Variants in CEP44 observed in about 807,000 individuals in gnomAD.
CEP44 encodes centrosomal protein of 44 kDa.
Under a neutral mutation model 46.7 loss-of-function variants are expected in CEP44, and 45 were observed. That is an observed-to-expected ratio of 0.96 (90% confidence interval 0.76 to 1.24). CEP44 has a LOEUF of 1.24. Ranked by LOEUF, CEP44 falls within the 50% of genes most tolerant of loss-of-function variation. CEP44 has a pLI of 0.00. For missense variants in CEP44, 475 were observed against 459.7 expected (o/e 1.03, Z -0.30); for synonymous variants, 142 against 146.0 (o/e 0.97, Z 0.20).
chr4:174,327,799 C>T (rs1249589895), intron 8 of CEP44, among the ~76,000 whole-genome samples: 1 of 151,878 alleles, frequency 6.6e-6, no homozygotes, highest in African/African-American at 2.4e-5. Context: ...CAATCATTTT[C>T]AGGTAGATTA....
In CEP44 at chr4:174,301,974, T is replaced by C; in HGVS notation, c.90-65T>C. On this transcript the variant is annotated intron_variant, in intron 3 of 11. Coordinates refer to ENST00000503780, the MANE Select transcript of CEP44 (RefSeq NM_001040157.3). The surrounding 1 kb of genome is among the most constrained non-coding windows in gnomAD (Gnocchi z 4.3). ...AACATTTCTAATATTTTCTTGATTA[T>C]CCAACTTTGTGGAATTATGCTTATT... 1 of 1,385,752 alleles carries C rather than the reference T, an allele frequency of 7.2e-7. No individual in the cohort carries two copies. The highest frequency in any genetic ancestry group is 1.4e-5 in the South Asian group (1 of 72,794). The allele number at this position is 1,385,752 out of a possible 1,614,324, so 85.8% of individuals were successfully genotyped here.
chr4:174,316,287 A>G lies in CEP44; in HGVS notation c.1083A>G (p.Ser361=), dbSNP rs1442564595. Residue 361 remains serine (S), a synonymous_variant, in exon 10 of 12, where the codon TCA becomes TCG. Transcript: ENST00000503780. ...ATTACTGTGGTTTGAATGAGATTTC[A>G]GAGGTAAGAAAATGCTTAGATTATT... ...TVNYCGLNEI[S]EETTIQKMER... 6.2e-7 allele frequency: 1 copy of G among 1,609,160 alleles called. No homozygotes were observed. Among genetic ancestry groups the G allele is most frequent in the Non-Finnish European group, 8.5e-7 (1 of 1,176,046 alleles).
intron 2 of CEP44, 108 bp from the exon 3 acceptor site, chr4:174,298,964 G>C (rs1739394081): frequency 1.8e-6 from 1 of 569,000 alleles, no homozygotes; most frequent in Admixed American, 3.3e-5. Context: ...AAAAGAGCTA[G>C]GGTAAGATAA....
exon 9 of CEP44, chr4:174,332,205 T>C (rs1481043168): frequency 6.6e-6 from 1 of 152,476 alleles, no homozygotes; most frequent in Non-Finnish European, 1.5e-5. Flanking sequence ...GACCATCTTT[T>C]GTACCGTTGG....
At chr4:174,316,717 A>G in intron 11 of CEP44, 150 bp downstream of exon 11, 1 of 598,588 alleles carries the variant, frequency 1.7e-6, no homozygotes, top group African/African-American at 1.9e-5. Flanking sequence ...TGGATAATAA[A>G]TCCACCTACA....
downstream of CEP44, among the ~76,000 whole-genome samples, chr4:174,323,582 A>G (rs889666409): frequency 1.3e-5 from 2 of 152,098 alleles, no homozygotes; most frequent in Non-Finnish European, 2.9e-5. Context: ...TCCTCCTTGA[A>G]GTTGGGGCAT....
chr4:174,296,672 G>T (rs1739056976), intron 1 of CEP44, among the ~76,000 whole-genome samples: 1 of 151,476 alleles, frequency 6.6e-6, no homozygotes, highest in Non-Finnish European at 1.5e-5. Context: ...ATGTGAAATT[G>T]AGAAGAATAT....
rs1448011447 is a variant in CEP44 at position 174,309,875 on chromosome 4, C to T, written c.704C>T (p.Thr235Ile). The change falls in exon 8 of 12, where the codon ACT (threonine) becomes ATT (isoleucine). Residue 235 changes from threonine (T) to isoleucine (I), a missense_variant. Thr to Ile is a moderately conservative substitution (Grantham distance 89). Transcript: ENST00000503780. This position sits in a 1 kb window ranked among gnomAD's most constrained non-coding sequence, Gnocchi z 5.3. ...QQDVNVNPEITALQTMLAECQ... is the reference protein window; with the variant it reads ...QQDVNVNPEIIALQTMLAECQ... ...GATGTAAATGTTAATCCTGAGATTA[C>T]TGCACTACAAACTATGCTTGCTGAA... 2 of 1,608,838 alleles carry T rather than the reference C, an allele frequency of 1.2e-6. No homozygotes were observed. The highest frequency in any genetic ancestry group is 1.3e-5 in the African/African-American group (1 of 74,902).
In CEP44 at chr4:174,314,616, C is replaced by T. The variant is rs1004782333; in HGVS notation, c.962-1550C>T. ...TTCCTTCACCCTTTATCTGTCTTCC[C>T]GGACCTGTTTCCTTTTCCTAGGGCC... On this transcript the variant is annotated intron_variant, in intron 9 of 11. Coordinates refer to ENST00000503780, the MANE Select transcript of CEP44 (RefSeq NM_001040157.3). The surrounding 1 kb of genome is among the most constrained non-coding windows in gnomAD (Gnocchi z 4.1). 7.2e-5 allele frequency among the ~76,000 whole-genome samples: 11 copies of T among 152,082 alleles called. No individual in the cohort carries two copies. The highest frequency in any genetic ancestry group is 1.5e-4 in the Non-Finnish European group (10 of 68,020).
At chr4:174,321,031 T>G (rs1052107148), downstream of CEP44, among the ~76,000 whole-genome samples, 1 of 152,036 alleles carries the variant, frequency 6.6e-6, no homozygotes, top group Non-Finnish European at 1.5e-5. Flanking sequence ...GACTGAGAGA[T>G]AGCAAAAAGA....
chr4:174,319,321 A>G lies in CEP44; in HGVS notation c.*1938A>G. ...TATAAGGGAAAAAACTTCTGTATCGATTAACTCCTAAAATATCAGTACCAG... is the reference window on the plus strand; with the variant it reads ...TATAAGGGAAAAAACTTCTGTATCGGTTAACTCCTAAAATATCAGTACCAG... On this transcript the variant is annotated 3_prime_UTR_variant, in exon 12 of 12. Coordinates refer to ENST00000503780, the MANE Select transcript of CEP44 (RefSeq NM_001040157.3). 2 of 982,466 alleles carry G rather than the reference A, an allele frequency of 2.0e-6. No homozygotes were observed. Among genetic ancestry groups the G allele is most frequent in the Non-Finnish European group, 2.4e-6 (2 of 827,236 alleles). 60.9% of individuals were successfully genotyped at this position (982,466 alleles called of 1,614,324 possible).
chr4:174,301,255 T>C lies in CEP44; in HGVS notation c.90-784T>C, dbSNP rs1266557010. Among the ~76,000 whole-genome samples the C allele has an allele frequency of 6.6e-6, 1 of 152,148 alleles. No homozygotes were observed. The highest frequency in any genetic ancestry group is 2.4e-5 in the African/African-American group (1 of 41,454). On this transcript the variant is annotated intron_variant, in intron 3 of 11. Transcript: ENST00000503780. The surrounding 1 kb of genome is among the most constrained non-coding windows in gnomAD (Gnocchi z 4.3). ...TGGCAAATTGAACAAATACCTCCTG[T>C]GCTTTGTTGTGGGAAAATCAGTGAA...
At chr4:174,306,325 C>CA (rs1740396889) in intron 6 of CEP44, among the ~76,000 whole-genome samples, 1 of 152,226 alleles carries the variant, frequency 6.6e-6, no homozygotes, top group South Asian at 2.1e-4. Flanking sequence ...GAGCCCTACT[C>CA]ATAGAGCCAG....
chr4:174,321,827 A>T (rs191971463), downstream of CEP44, among the ~76,000 whole-genome samples: 2 of 152,188 alleles, frequency 1.3e-5, no homozygotes, highest in Admixed American at 6.6e-5. Context: ...TAAAAAAAGC[A>T]TCTTAAGTTT....
In CEP44 at chr4:174,287,568, T is replaced by C. The variant is rs1283534749; in HGVS notation, c.-148+3625T>C. Among the ~76,000 whole-genome samples the C allele has an allele frequency of 6.6e-6, 1 of 152,184 alleles. No individual in the cohort carries two copies. The highest frequency in any genetic ancestry group is 2.4e-5 in the African/African-American group (1 of 41,454). ...TTTATCCCAGATACCATTTCTGTTA[T>C]TTGTTGCTTTCTATAATATTTTAAA... On this transcript the variant is annotated intron_variant, in intron 1 of 11. Coordinates refer to ENST00000503780, the MANE Select transcript of CEP44 (RefSeq NM_001040157.3). This position sits in a 1 kb window ranked among gnomAD's most constrained non-coding sequence, Gnocchi z 5.1.
intron 1 of CEP44, among the ~76,000 whole-genome samples, chr4:174,292,792 GGTTT>G (rs763526124): frequency 1.3e-5 from 2 of 151,904 alleles, no homozygotes; most frequent in Admixed American, 6.6e-5. Flanking sequence ...TTTCTATCTG[GGTTT>G]GTTTATTTGT....
chr4:174,331,493 A>C lies in CEP44; in HGVS notation c.1098A>C (p.Ala366=), dbSNP rs369980220. The change falls in exon 9 of 9, where the codon GCA becomes GCC. Residue 366 remains alanine, a synonymous_variant. Coordinates refer to the CEP44 transcript ENST00000426172. The surrounding 1 kb of genome is among the most constrained non-coding windows in gnomAD (Gnocchi z 4.5). ...TGTTTCCTTTCTAGAATTTTCCTGC[A>C]TGGAGTGCTACATCCTCTTGTTCCA... The C allele has an allele frequency of 4.3e-4, 668 of 1,551,350 alleles. 1 individual carries two copies. Among genetic ancestry groups the C allele is most frequent in the Non-Finnish European group, 5.6e-4 (645 of 1,146,876 alleles).
chr4:174,296,190 T>A (rs1738987560), intron 1 of CEP44, among the ~76,000 whole-genome samples: 1 of 152,250 alleles, frequency 6.6e-6, no homozygotes, highest in Non-Finnish European at 1.5e-5. Context: ...TCCTATGTGA[T>A]CTTTTCTTGC....
chr4:174,296,265 G>A (rs570569421), intron 1 of CEP44, among the ~76,000 whole-genome samples: 4 of 152,274 alleles, frequency 2.6e-5, no homozygotes, highest in African/African-American at 9.6e-5. Context: ...ATATCTTGGT[G>A]TGAGTTTTGT....
Sources: allele counts gnomAD v4.1 joint callset (sites outside exome capture counted in the v4.1 genomes callset), GRCh38; gene constraint gnomAD v4.1.1; non-coding constraint Gnocchi (gnomAD v3.1); transcripts MANE v1.5; gene names NCBI Gene and HGNC (gene_info 2026-07-23, HGNC 2026-07-21).